Variants in SPIDR observed in about 807,000 individuals in gnomAD.
SPIDR encodes the protein DNA repair-scaffolding protein.
SPIDR carries 93 observed loss-of-function variants against 104.6 expected under a neutral mutation model. The ratio of observed to expected loss-of-function variants is 0.89; its 90% CI spans 0.75 to 1.06. The LOEUF (loss-of-function observed/expected upper bound fraction) is 1.06. SPIDR is among the 50% of genes least tolerant of loss of function. The pLI is 0.00. For missense variants in SPIDR, 1,154 were observed against 1,111.2 expected, an observed-to-expected ratio of 1.04 and a Z score of -0.55; for synonymous variants, 431 against 416.9, an observed-to-expected ratio of 1.03 and a Z score of -0.41.
In SPIDR at chr8:47,260,958, G is replaced by T. The variant is rs1016069340; in HGVS notation, c.-1G>T. ...GGTGCGCTCAGGCGGCGCTCCCGGA[G>T]ATGCCCCGCGGCAGCCGCGCTCGGG... On this transcript the variant is annotated 5_prime_UTR_variant, in exon 1 of 20. Coordinates refer to ENST00000297423, the MANE Select transcript of SPIDR (RefSeq NM_001080394.4). 3 of 1,229,520 alleles carry T rather than the reference G, an allele frequency of 2.4e-6. No individual in the cohort carries two copies. Among genetic ancestry groups the T allele is most frequent in the Non-Finnish European group, 2.0e-6 (2 of 986,330 alleles). The allele number at this position is 1,229,520 out of a possible 1,614,324, so 76.2% of individuals were successfully genotyped here. A position where few individuals can be genotyped will look rare whatever the true frequency, so the allele number is the denominator to read the frequency against.
At chr8:47,310,737 G>A (rs2043994011) in intron 5 of SPIDR, among the ~76,000 whole-genome samples, 1 of 152,082 alleles carries the variant, frequency 6.6e-6, no homozygotes, top group Admixed American at 6.6e-5. Flanking sequence ...AAAGAAGGGT[G>A]TCCCAAATTC....
At chr8:47,539,761 A>AC (rs1419146427) in intron 8 of SPIDR, among the ~76,000 whole-genome samples, 3 of 150,988 alleles carry the variant, frequency 2.0e-5, no homozygotes, top group Non-Finnish European at 3.0e-5. Context: ...AAAAAAAAAA[A>AC]CCCTTTTCCC....
At chr8:47,515,693 C>T (rs1368691882) in intron 8 of SPIDR, among the ~76,000 whole-genome samples, 1 of 152,234 alleles carries the variant, frequency 6.6e-6, no homozygotes, top group Non-Finnish European at 1.5e-5. Flanking sequence ...ATGCAGATCT[C>T]ATAAGCGTAT....
intron 5 of SPIDR, among the ~76,000 whole-genome samples, chr8:47,336,832 C>T (rs1281243301): frequency 6.6e-6 from 1 of 152,146 alleles, no homozygotes; most frequent in Non-Finnish European, 1.5e-5. Flanking sequence ...TTGTATTTCA[C>T]TTTTTAAGGA....
At chr8:47,637,332 G>A (rs1172453923) in intron 10 of SPIDR, among the ~76,000 whole-genome samples, 2 of 152,170 alleles carry the variant, frequency 1.3e-5, no homozygotes, top group Admixed American at 6.5e-5. Context: ...CACTTTGGGA[G>A]GCCAAGGTGG....
intron 8 of SPIDR, among the ~76,000 whole-genome samples, chr8:47,535,407 C>T (rs1302201853): frequency 1.3e-5 from 2 of 151,100 alleles, no homozygotes; most frequent in African/African-American, 4.9e-5. Flanking sequence ...TAACAAATAA[C>T]TAATTCTATG....
intron 8 of SPIDR, among the ~76,000 whole-genome samples, chr8:47,512,600 C>T (rs1056809113): frequency 8.5e-5 from 13 of 152,142 alleles, no homozygotes; most frequent in African/African-American, 3.1e-4. Flanking sequence ...TTCCCGACAG[C>T]CCTGACCACG....
intron 7 of SPIDR, among the ~76,000 whole-genome samples, chr8:47,413,788 A>C (rs1000564889): frequency 6.6e-6 from 1 of 152,142 alleles, no homozygotes; most frequent in Non-Finnish European, 1.5e-5. Context: ...ATGCAAACTA[A>C]TCTTCTAGAA....
intron 8 of SPIDR, among the ~76,000 whole-genome samples, chr8:47,526,135 G>T (rs1289073988): frequency 6.6e-6 from 1 of 152,184 alleles, no homozygotes; most frequent in African/African-American, 2.4e-5. Context: ...ATGTTCTGTT[G>T]TGGGGCTGTT....
intron 8 of SPIDR, among the ~76,000 whole-genome samples, chr8:47,489,021 G>A (rs1442959175): frequency 6.6e-6 from 1 of 152,116 alleles, no homozygotes; most frequent in Admixed American, 6.5e-5. Context: ...GCAGGAGAAA[G>A]AAATAAAGGG....
At chr8:47,450,666 A>G (rs1382491615) in intron 8 of SPIDR, among the ~76,000 whole-genome samples, 1 of 152,238 alleles carries the variant, frequency 6.6e-6, no homozygotes, top group African/African-American at 2.4e-5. Context: ...ACAAAATATT[A>G]GCAAACAAAT....
chr8:47,357,977 G>A (rs1032737794), intron 5 of SPIDR: 2 of 477,272 alleles, frequency 4.2e-6, no homozygotes, highest in South Asian at 1.8e-4. Context: ...CACTCTGGCA[G>A]TCTTTCCTCT....
intron 8 of SPIDR, among the ~76,000 whole-genome samples, chr8:47,515,225 A>C (rs2082935706): frequency 6.6e-6 from 1 of 152,224 alleles, no homozygotes; most frequent in South Asian, 2.1e-4. Flanking sequence ...CTTCTGCTAA[A>C]AGATCTTCTG....
intron 8 of SPIDR, chr8:47,592,274 G>A (rs2061116817): frequency 1.7e-6 from 2 of 1,191,764 alleles, no homozygotes; most frequent in African/African-American, 3.0e-5. Context: ...ACATAACAAG[G>A]CCTGGGTTGA....
chr8:47,575,248 T>C (rs2058941844), intron 8 of SPIDR, among the ~76,000 whole-genome samples: 2 of 152,200 alleles, frequency 1.3e-5, no homozygotes, highest in African/African-American at 4.8e-5. Context: ...TTGTGGTTAT[T>C]GACATCCTAG....
chr8:47,623,987 T>G (rs2065579011), intron 10 of SPIDR, among the ~76,000 whole-genome samples: 1 of 152,120 alleles, frequency 6.6e-6, no homozygotes, highest in Non-Finnish European at 1.5e-5. Flanking sequence ...TAGTTGGAAG[T>G]AAAGCACTCC....
At chr8:47,411,613 A>G (rs1554671634) in intron 7 of SPIDR, among the ~76,000 whole-genome samples, 2 of 151,956 alleles carry the variant, frequency 1.3e-5, no homozygotes, top group Non-Finnish European at 2.9e-5. Flanking sequence ...TTGCCTGTTC[A>G]CTCTGATGGT....
Position 47,571,122 on chromosome 8 carries a change from G to C in SPIDR, c.1098-24689G>C, listed in dbSNP as rs1395094231. ...AAAAAAAGTTGAACTCGTAGAAACA[G>C]AGTAGAAGGGTGTACCAGGGCTTGA... On this transcript the variant is annotated intron_variant, in intron 8 of 19. Coordinates refer to ENST00000297423, the MANE Select transcript of SPIDR (RefSeq NM_001080394.4). Among the ~76,000 whole-genome samples, 2 of 152,072 alleles carry C rather than the reference G, an allele frequency of 1.3e-5. 1 individual carries two copies. The highest frequency in any genetic ancestry group is 1.3e-4 in the Admixed American group (2 of 15,260).
At chr8:47,588,639 T>C (rs2060589824) in intron 8 of SPIDR, among the ~76,000 whole-genome samples, 1 of 152,218 alleles carries the variant, frequency 6.6e-6, no homozygotes, top group Admixed American at 6.5e-5. Context: ...AATTTTTGCC[T>C]TGTTTTCCAT....
Sources: allele counts gnomAD v4.1 joint callset (sites outside exome capture counted in the v4.1 genomes callset), GRCh38; gene constraint gnomAD v4.1.1; transcripts MANE v1.5; gene names NCBI Gene and HGNC (gene_info 2026-07-23, HGNC 2026-07-21).